The following ADAM2 variants were observed in gnomAD, a reference collection of about 807,000 sequenced individuals.
The protein encoded by ADAM2 is ADAM metallopeptidase domain 2.
Under a neutral mutation model 99.3 loss-of-function variants are expected in ADAM2, and 101 were observed. That is an observed-to-expected ratio of 1.02 (90% confidence interval 0.87 to 1.20). ADAM2 has a LOEUF of 1.20. Among genes scored for constraint, ADAM2 ranks in the 50% most tolerant of loss-of-function variants. The pLI, the probability that ADAM2 is intolerant of heterozygous loss-of-function variation, is 0.00. For missense variants in ADAM2, 948 were observed against 878.7 expected, an observed-to-expected ratio of 1.08 and a Z score of -1.00; for synonymous variants, 323 against 287.6, an observed-to-expected ratio of 1.12 and a Z score of -1.25.
chr8:39,745,445 A>G (rs556637514), intron 19 of ADAM2, among the ~76,000 whole-genome samples: 36 of 152,218 alleles, frequency 2.4e-4, no homozygotes, highest in African/African-American at 8.7e-4. Context: ...AATTCATTTC[A>G]AGTAAAATGA....
chr8:39,830,385 C>T (rs1031475601), intron 3 of ADAM2, among the ~76,000 whole-genome samples: 1 of 152,006 alleles, frequency 6.6e-6, no homozygotes, highest in African/African-American at 2.4e-5. Context: ...ATAACCACAC[C>T]CATCATTTGC....
intron 6 of ADAM2, among the ~76,000 whole-genome samples, chr8:39,813,820 T>C (rs1484860421): frequency 3.3e-5 from 5 of 151,940 alleles, no homozygotes; most frequent in Admixed American, 1.3e-4. Flanking sequence ...CTAATGTAAA[T>C]GACGAGTTAA....
At chr8:39,797,157 T>C (rs1243901561) in intron 7 of ADAM2, among the ~76,000 whole-genome samples, 1 of 152,246 alleles carries the variant, frequency 6.6e-6, no homozygotes, top group African/African-American at 2.4e-5. Context: ...GCCTAGGTTT[T>C]CTTCTAGGGT....
intron 15 of ADAM2, among the ~76,000 whole-genome samples, chr8:39,759,844 T>C (rs1244167320): frequency 6.6e-6 from 1 of 152,180 alleles, no homozygotes; most frequent in Non-Finnish European, 1.5e-5. Flanking sequence ...TGGGTATCAG[T>C]AACATTCTAG....
intron 15 of ADAM2, among the ~76,000 whole-genome samples, chr8:39,759,941 A>G (rs1179322596): frequency 6.6e-6 from 1 of 152,104 alleles, no homozygotes; most frequent in African/African-American, 2.4e-5. Flanking sequence ...ATCTCGGCTC[A>G]CTGCAACCTC....
In ADAM2 at chr8:39,755,905, C is replaced by T; in HGVS notation, c.1620G>A (p.Leu540=). Reference sequence around the variant, plus strand: ...ATTTACATATTAATTTTCCGCACTGCAGATTGCTATAATTTATCCACAAAT... The same window carrying T: ...ATTTACATATTAATTTTCCGCACTGTAGATTGCTATAATTTATCCACAAAT... The part of the protein sequence containing the change: ...SGYTQCEADN[L]QCGKLICKYV... Residue 540 remains leucine (L), a synonymous_variant, in exon 16 of 21, where the codon CTG becomes CTA. Coordinates refer to ENST00000265708, the MANE Select transcript of ADAM2 (RefSeq NM_001464.5). The T allele has an allele frequency of 6.8e-7, 1 of 1,480,560 alleles. No individual in the cohort carries two copies. Among genetic ancestry groups the T allele is most frequent in the Non-Finnish European group, 9.3e-7 (1 of 1,073,666 alleles). The allele number at this position is 1,480,560 out of a possible 1,614,324, so 91.7% of individuals were successfully genotyped here.
intron 7 of ADAM2, among the ~76,000 whole-genome samples, chr8:39,807,219 T>C (rs1241723818): frequency 2.0e-5 from 3 of 152,244 alleles, no homozygotes; most frequent in Admixed American, 1.3e-4. Context: ...TTGGAAACCA[T>C]GGCCCTTTGC....
Position 39,766,853 on chromosome 8 carries a change from C to T in ADAM2, c.1502G>A (p.Gly501Asp). 6.3e-7 allele frequency: 1 copy of T among 1,577,822 alleles called. No individual in the cohort carries two copies. The highest frequency in any genetic ancestry group is 8.6e-7 in the Non-Finnish European group (1 of 1,157,234). ...SGDKQCTDTF[G>D]KEVEFGPSEC... ...AATCAAATGATAATAAATACCTTTG[C>T]CAAATGTGTCTGTACATTGTTTATC... Residue 501 changes from glycine to aspartate, a missense_variant, in exon 14 of 21, where the codon GGC (glycine) becomes GAC (aspartate). Gly to Asp is a moderately conservative substitution (Grantham distance 94). Coordinates refer to ENST00000265708, the MANE Select transcript of ADAM2 (RefSeq NM_001464.5).
chr8:39,822,874 T>C (rs566380493), intron 4 of ADAM2, among the ~76,000 whole-genome samples: 1 of 152,274 alleles, frequency 6.6e-6, no homozygotes, highest in Non-Finnish European at 1.5e-5. Flanking sequence ...GTTCCAGTGA[T>C]TCTCCTGCCT....
intron 2 of ADAM2, among the ~76,000 whole-genome samples, chr8:39,835,403 GGCCATGTGCGGTGGCTCAC>G (rs1365362778): frequency 1.4e-5 from 2 of 142,614 alleles, no homozygotes; most frequent in Non-Finnish European, 3.1e-5. Context: ...AGTAATTTTA[GGCCATGTGCGGTGGCTCAC>G]GCCTGTAATC....
At chr8:39,753,887 C>A (rs576680856) in intron 16 of ADAM2, among the ~76,000 whole-genome samples, 1 of 152,134 alleles carries the variant, frequency 6.6e-6, no homozygotes, top group Admixed American at 6.5e-5. Flanking sequence ...GAAAATGGGG[C>A]AATTTAAAAA....
intron 3 of ADAM2, among the ~76,000 whole-genome samples, chr8:39,827,163 T>G (rs1805443583): frequency 6.6e-6 from 1 of 152,008 alleles, no homozygotes. Flanking sequence ...CAGAAAAAAG[T>G]ATATCAAAAC....
At chr8:39,782,606 T>C (rs1361963762) in intron 10 of ADAM2, among the ~76,000 whole-genome samples, 2 of 152,144 alleles carry the variant, frequency 1.3e-5, no homozygotes, top group Non-Finnish European at 2.9e-5. Flanking sequence ...TTCTATTTAA[T>C]TGAGAAAATT....
chr8:39,815,282 G>A (rs144752700), intron 6 of ADAM2, among the ~76,000 whole-genome samples: 6 of 151,904 alleles, frequency 3.9e-5, no homozygotes, highest in East Asian at 3.9e-4. Context: ...GATTATGTTC[G>A]TATAATGAAG....
chr8:39,758,687 G>C (rs942343730), intron 15 of ADAM2, among the ~76,000 whole-genome samples: 4 of 152,008 alleles, frequency 2.6e-5, no homozygotes, highest in Non-Finnish European at 5.9e-5. Context: ...GCTGAATCCA[G>C]AGCAGAAGTA....
chr8:39,802,633 C>T (rs1298407969), intron 7 of ADAM2, among the ~76,000 whole-genome samples: 1 of 152,156 alleles, frequency 6.6e-6, no homozygotes, highest in Non-Finnish European at 1.5e-5. Context: ...GGAGCCCCTA[C>T]AAACTGGAGC....
intron 7 of ADAM2, among the ~76,000 whole-genome samples, chr8:39,804,738 CTT>C (rs886809761): frequency 6.6e-6 from 1 of 152,104 alleles, no homozygotes; most frequent in Non-Finnish European, 1.5e-5. Flanking sequence ...ATGCTAAACA[CTT>C]CAGTAAAAAA....
chr8:39,806,440 C>T (rs1804445913), intron 7 of ADAM2, among the ~76,000 whole-genome samples: 1 of 148,708 alleles, frequency 6.7e-6, no homozygotes, highest in Admixed American at 6.7e-5. Flanking sequence ...GTCCCGTTTT[C>T]AACAAAGTAT....
intron 6 of ADAM2, among the ~76,000 whole-genome samples, chr8:39,813,619 A>C (rs1804793337): frequency 1.3e-5 from 2 of 152,214 alleles, no homozygotes; most frequent in Admixed American, 1.3e-4. Flanking sequence ...TGTCCTTTGT[A>C]GGGACATGGA....
Sources: gnomAD v4.1 joint callset for allele counts (sites outside exome capture counted in the v4.1 genomes callset) on GRCh38, gnomAD v4.1.1 for gene constraint, MANE v1.5 for transcripts, NCBI Gene and HGNC (gene_info 2026-07-23, HGNC 2026-07-21) for gene names.